CAB39L: variants seen among roughly 807,000 people sequenced by gnomAD.
CAB39L encodes the protein calcium-binding protein 39-like.
Under a neutral mutation model 39.1 loss-of-function variants are expected in CAB39L, and 23 were observed. That is an observed-to-expected ratio of 0.59 (90% CI 0.42 to 0.83). CAB39L has a LOEUF of 0.83. Among genes scored for constraint, CAB39L ranks in the 40% least tolerant of loss-of-function variants. CAB39L has a pLI of 0.00. For missense variants in CAB39L, 366 were observed against 391.9 expected, an observed-to-expected ratio of 0.93 and a Z score of 0.56; for synonymous variants, 126 against 137.2, an observed-to-expected ratio of 0.92 and a Z score of 0.57.
intron 1 of CAB39L, among the ~76,000 whole-genome samples, chr13:49,440,917 G>A (rs1957506585): frequency 6.6e-6 from 1 of 151,884 alleles, no homozygotes; most frequent in African/African-American, 2.4e-5. Flanking sequence ...GGTTTTCTAG[G>A]TATACAATCA....
chr13:49,341,069 T>C (rs1001171883), intron 8 of CAB39L, among the ~76,000 whole-genome samples: 2 of 152,120 alleles, frequency 1.3e-5, no homozygotes, highest in African/African-American at 2.4e-5. Context: ...TAGGAAAAAA[T>C]AGTAATTAGT....
At chr13:49,367,275 A>G (rs1053419331) in intron 5 of CAB39L, among the ~76,000 whole-genome samples, 1 of 152,256 alleles carries the variant, frequency 6.6e-6, no homozygotes, top group East Asian at 1.9e-4. Flanking sequence ...GACGTTCAAC[A>G]TTGTTAGCCA....
intron 8 of CAB39L, among the ~76,000 whole-genome samples, chr13:49,343,699 G>T (rs993957449): frequency 3.3e-5 from 5 of 151,968 alleles, no homozygotes; most frequent in African/African-American, 1.2e-4. Flanking sequence ...TTTGGGAGGG[G>T]TAGGATTAGG....
At chr13:49,352,095 A>T (rs1484733447) in intron 6 of CAB39L, among the ~76,000 whole-genome samples, 2 of 152,110 alleles carry the variant, frequency 1.3e-5, no homozygotes, top group Non-Finnish European at 2.9e-5. Context: ...TAGGTGGCTA[A>T]TACATAGCTG....
At chr13:49,369,478 T>G (rs74072537) in intron 5 of CAB39L, among the ~76,000 whole-genome samples, 7 of 152,334 alleles carry the variant, frequency 4.6e-5, no homozygotes, top group Non-Finnish European at 1.0e-4. Context: ...ATATATATGA[T>G]TCTGTTTACC....
intron 10 of CAB39L, among the ~76,000 whole-genome samples, chr13:49,329,984 G>T (rs1288169431): frequency 6.6e-6 from 1 of 152,058 alleles, no homozygotes; most frequent in East Asian, 1.9e-4. Context: ...AGTTCCAGGG[G>T]CTAAACGTGA....
intron 3 of CAB39L, among the ~76,000 whole-genome samples, chr13:49,384,045 A>G (rs1956303022): frequency 6.6e-6 from 1 of 152,206 alleles, no homozygotes; most frequent in East Asian, 1.9e-4. Context: ...TCTTCCTTTC[A>G]TGGAAGATTT....
intron 3 of CAB39L, among the ~76,000 whole-genome samples, chr13:49,420,917 G>A (rs1400336103): frequency 6.6e-6 from 1 of 151,966 alleles, no homozygotes; most frequent in Non-Finnish European, 1.5e-5. Flanking sequence ...TTTAGCAAGC[G>A]AAGAACACAT....
intron 10 of CAB39L, among the ~76,000 whole-genome samples, chr13:49,313,882 G>C (rs753967960): frequency 1.3e-5 from 2 of 152,142 alleles, no homozygotes; most frequent in Non-Finnish European, 2.9e-5. Flanking sequence ...TCATGGCTAA[G>C]CCTTTAAGGT....
chr13:49,334,406 T>A (rs1954795919), intron 9 of CAB39L, among the ~76,000 whole-genome samples: 1 of 152,150 alleles, frequency 6.6e-6, no homozygotes, highest in African/African-American at 2.4e-5. Context: ...CTGCTTCCTT[T>A]CCTCAGCTCC....
chr13:49,370,112 C>T (rs555252616), intron 5 of CAB39L, among the ~76,000 whole-genome samples: 80 of 152,014 alleles, frequency 5.3e-4, no homozygotes, highest in African/African-American at 1.8e-3. Context: ...AGTGGATAGG[C>T]AGAACAGTCT....
intron 9 of CAB39L, among the ~76,000 whole-genome samples, chr13:49,333,940 C>T (rs956479341): frequency 2.0e-5 from 3 of 152,118 alleles, no homozygotes; most frequent in Non-Finnish European, 2.9e-5. Flanking sequence ...TCACACTTAG[C>T]GTCTCTAAAA....
At chr13:49,311,102 C>T (rs1953974887) in intron 10 of CAB39L, 109 bp from the exon 11 acceptor site, 2 of 880,142 alleles carry the variant, frequency 2.3e-6, no homozygotes, top group East Asian at 4.8e-5. Flanking sequence ...TCATGCGTGA[C>T]TGATATTATT....
intron 1 of CAB39L, among the ~76,000 whole-genome samples, chr13:49,442,314 A>G (rs868424361): frequency 1.3e-5 from 2 of 152,146 alleles, no homozygotes; most frequent in African/African-American, 2.4e-5. Flanking sequence ...TGTTATTTCC[A>G]ATTTTTCACA....
chr13:49,346,110 T>G (rs553929271), intron 7 of CAB39L, among the ~76,000 whole-genome samples: 2,402 of 53,174 alleles, frequency 0.045, 325 homozygotes, highest in Middle Eastern at 0.11. Context: ...GATATATATA[T>G]ATATATATAT....
intron 3 of CAB39L, among the ~76,000 whole-genome samples, chr13:49,395,326 C>T (rs1282865976): frequency 6.6e-6 from 1 of 151,810 alleles, no homozygotes; most frequent in East Asian, 1.9e-4. Context: ...ACCTCCGCCC[C>T]CCGGGTTCAA....
Position 49,356,893 on chromosome 13 carries a change from G to C in CAB39L, c.395+2821C>G, listed in dbSNP as rs530703489. On this transcript the variant is annotated intron_variant, in intron 6 of 10. Transcript: ENST00000409308. ...TGAAACCTCGTCTCTACTAAAAATA[G>C]AAAAAATTAGTGAGGCGTGGTGGCA... Among the ~76,000 whole-genome samples the C allele has an allele frequency of 4.7e-4, 72 of 151,936 alleles. 1 individual carries two copies. The highest frequency in any genetic ancestry group is 1.6e-3 in the African/African-American group (67 of 41,446).
intron 10 of CAB39L, among the ~76,000 whole-genome samples, chr13:49,322,051 A>G (rs899156655): frequency 1.3e-5 from 2 of 152,206 alleles, no homozygotes; most frequent in African/African-American, 4.8e-5. Flanking sequence ...TTTACAGTAT[A>G]TTCACATAGT....
chr13:49,375,464 A>T (rs1956030376), intron 5 of CAB39L, among the ~76,000 whole-genome samples: 1 of 152,226 alleles, frequency 6.6e-6, no homozygotes. Context: ...TAAATCTAAG[A>T]TGGAGACCTA....
Sources: allele counts gnomAD v4.1 joint callset (sites outside exome capture counted in the v4.1 genomes callset), GRCh38; gene constraint gnomAD v4.1.1; transcripts MANE v1.5; gene names NCBI Gene and HGNC (gene_info 2026-07-23, HGNC 2026-07-21).